TBL1XR1: variants seen among roughly 807,000 people sequenced by gnomAD.
TBL1XR1 encodes F-box-like/WD repeat-containing protein TBL1XR1.
TBL1XR1 carries 5 observed loss-of-function variants against 66.9 expected under a neutral mutation model. The ratio of observed to expected loss-of-function variants is 0.07; its 90% CI spans 0.04 to 0.16. The LOEUF (loss-of-function observed/expected upper bound fraction) is 0.16. TBL1XR1 is among the 10% of genes least tolerant of loss of function. TBL1XR1 has a pLI of 1.00. For missense variants in TBL1XR1, 238 were observed against 623.2 expected (o/e 0.38, Z 6.58); for synonymous variants, 210 against 206.0 (o/e 1.02, Z -0.17).
chr3:177,159,702 C>A (rs1157826427), intron 1 of TBL1XR1, among the ~76,000 whole-genome samples: 1 of 152,144 alleles, frequency 6.6e-6, no homozygotes, highest in Non-Finnish European at 1.5e-5. Context: ...TTAAGTGTTA[C>A]AAAGTACCAG....
chr3:177,153,449 A>G (rs559981340), intron 1 of TBL1XR1, among the ~76,000 whole-genome samples: 2 of 152,382 alleles, frequency 1.3e-5, no homozygotes, highest in Admixed American at 6.5e-5. Context: ...AACTGTTTAA[A>G]GTAAAAATAA....
intron 1 of TBL1XR1, among the ~76,000 whole-genome samples, chr3:177,108,814 A>G (rs145645834): frequency 2.0e-5 from 3 of 152,292 alleles, no homozygotes; most frequent in African/African-American, 4.8e-5. Flanking sequence ...GCTAGCTGAG[A>G]CTGGTCCTGG....
intron 1 of TBL1XR1, among the ~76,000 whole-genome samples, chr3:177,165,201 A>C (rs1360692896): frequency 1.3e-5 from 2 of 152,254 alleles, no homozygotes; most frequent in East Asian, 3.8e-4. Flanking sequence ...AATTACAGTA[A>C]GCTTGCAGGA....
intron 1 of TBL1XR1, among the ~76,000 whole-genome samples, chr3:177,158,006 C>T (rs1731713848): frequency 6.6e-6 from 1 of 151,916 alleles, no homozygotes; most frequent in South Asian, 2.1e-4. Flanking sequence ...TTGTTTCCCC[C>T]CACCCCCAAG....
intron 3 of TBL1XR1, among the ~76,000 whole-genome samples, chr3:177,061,469 C>G (rs1718509719): frequency 6.6e-6 from 1 of 152,302 alleles, no homozygotes; most frequent in East Asian, 1.9e-4. Context: ...TTTATCAAAA[C>G]ATAAAAACTT....
upstream of TBL1XR1, among the ~76,000 whole-genome samples, chr3:177,197,933 C>T (rs911410335): frequency 5.3e-4 from 80 of 150,386 alleles, no homozygotes; most frequent in African/African-American, 1.9e-3. Context: ...CGGGGAGGCC[C>T]GCGCGGTGGC....
rs35673622 is a variant in TBL1XR1 at position 177,161,783 on chromosome 3, C to CA, written c.-122+35337dup. On this transcript the variant is annotated intron_variant, in intron 1 of 15. Coordinates refer to ENST00000457928, the MANE Select transcript of TBL1XR1 (RefSeq NM_024665.7). ...TGGGTGACAGAGTGAGACTCTGACT[C>CA]AAAAAAAAAAAAAAAATCTAAGACC... Among the ~76,000 whole-genome samples, 1,066 of 128,834 alleles carry CA rather than the reference C, an allele frequency of 8.3e-3. 13 individuals carry two copies. The highest frequency in any genetic ancestry group is 0.028 in the African/African-American group (914 of 32,292). The allele number at this position is 128,834 out of a possible 152,430, so 84.5% of individuals were successfully genotyped here. A position where few individuals can be genotyped will look rare whatever the true frequency, so the allele number is the denominator to read the frequency against.
intron 1 of TBL1XR1, among the ~76,000 whole-genome samples, chr3:177,134,107 A>C (rs1728629066): frequency 6.6e-6 from 1 of 152,142 alleles, no homozygotes; most frequent in Admixed American, 6.6e-5. Context: ...GAGAAATTAT[A>C]CAGGAAAATA....
chr3:177,111,149 T>C (rs752873112), intron 1 of TBL1XR1, among the ~76,000 whole-genome samples: 6 of 152,030 alleles, frequency 3.9e-5, no homozygotes, highest in Non-Finnish European at 7.4e-5. Flanking sequence ...CTCTCCCTAC[T>C]ATCATCACCA....
chr3:177,095,044 A>G (rs1390915617), intron 2 of TBL1XR1, among the ~76,000 whole-genome samples: 1 of 152,034 alleles, frequency 6.6e-6, no homozygotes, highest in Non-Finnish European at 1.5e-5. Flanking sequence ...CTTAAAAAAA[A>G]AACAAGGAAA....
At chr3:177,126,144 T>C (rs554098945) in intron 1 of TBL1XR1, 5 of 152,194 alleles carry the variant, frequency 3.3e-5, no homozygotes, top group African/African-American at 1.2e-4. Context: ...TTTAAAAAGG[T>C]AGTCATTAAG....
At position 177,091,532 on chromosome 3, in the gene TBL1XR1, C is replaced by T. The variant is rs111464263; in HGVS notation, c.-46+6934G>A. 2.3e-3 allele frequency among the ~76,000 whole-genome samples: 344 copies of T among 152,176 alleles called. 6 individuals are homozygous for T. Among genetic ancestry groups the T allele is most frequent in the African/African-American group, 8.0e-3 (334 of 41,520 alleles). On this transcript the variant is annotated intron_variant, in intron 2 of 15. Transcript: ENST00000457928. ...AGCTTTGGCCAACATGTTGTTTTGT[C>T]AGAAAGCAAGGAAGCTACCAGAGAG...
rs1560200819 is a variant in TBL1XR1, at chr3:177,123,045, TTTAA to T, written c.-121-24508_-121-24505del. Among the ~76,000 whole-genome samples the T allele has an allele frequency of 6.6e-5, 10 of 152,122 alleles. No homozygotes were observed. The South Asian group carries it at 2.1e-3, about 31-fold the overall frequency. Reference sequence around the variant, plus strand: ...TGTCGCACACATGTGTCTTGTATCTTTTAATTGAGAGGAGGGGAAATAGAAGTCT... The same window carrying T: ...TGTCGCACACATGTGTCTTGTATCTTTTGAGAGGAGGGGAAATAGAAGTCT... On this transcript the variant is annotated intron_variant, in intron 1 of 15. Coordinates refer to ENST00000457928, the MANE Select transcript of TBL1XR1 (RefSeq NM_024665.7).
chr3:177,066,373 G>A lies in TBL1XR1; in HGVS notation c.-45-1351C>T, dbSNP rs149029620. On this transcript the variant is annotated intron_variant, in intron 2 of 15. Transcript: ENST00000457928. ...GTCTAGGAACACATTTAGAAGGAGTGTCCTTGGTATTCAGACTAAAGGAGG... is the reference window on the plus strand; with the variant it reads ...GTCTAGGAACACATTTAGAAGGAGTATCCTTGGTATTCAGACTAAAGGAGG... Among the ~76,000 whole-genome samples, 495 of 152,228 alleles carry A rather than the reference G, an allele frequency of 3.3e-3. 6 individuals are homozygous for A. Among genetic ancestry groups the A allele is most frequent in the Middle Eastern group, 0.01 (3 of 294 alleles).
chr3:177,136,239 C>T (rs1014649831), intron 1 of TBL1XR1: 2 of 152,108 alleles, frequency 1.3e-5, no homozygotes, highest in African/African-American at 4.8e-5. Flanking sequence ...GTCCAAAAGT[C>T]CAAAAGCCAT....
At chr3:177,051,851 G>A in intron 4 of TBL1XR1, 125 bp from the exon 5 acceptor site, 1 of 1,217,416 alleles carries the variant, frequency 8.2e-7, no homozygotes, top group Non-Finnish European at 1.1e-6. Context: ...GGAACTTTCT[G>A]AATTCATATA....
Position 177,022,344 on chromosome 3 carries a change from A to G in TBL1XR1, c.*3154T>C, listed in dbSNP as rs907771286. The G allele has an allele frequency of 2.0e-5, 3 of 152,558 alleles. No individual in the cohort carries two copies. Among genetic ancestry groups the G allele is most frequent in the African/African-American group, 7.2e-5 (3 of 41,446 alleles). The allele number at this position is 152,558 out of a possible 1,614,324, so 9.5% of individuals were successfully genotyped here. A position where few individuals can be genotyped will look rare whatever the true frequency, so the allele number is the denominator to read the frequency against. On this transcript the variant is annotated 3_prime_UTR_variant, in exon 16 of 16. Coordinates refer to ENST00000457928, the MANE Select transcript of TBL1XR1 (RefSeq NM_024665.7). ...TTACCTAGAGAATAATTAAAACAGA[A>G]TTCAATACAATCTAGTATCTATTAG...
chr3:177,173,193 A>G (rs1200832188), intron 1 of TBL1XR1, among the ~76,000 whole-genome samples: 2 of 152,068 alleles, frequency 1.3e-5, no homozygotes, highest in East Asian at 3.9e-4. Flanking sequence ...ATCTCAAACA[A>G]AACAAAACAA....
chr3:177,189,532 G>C (rs929930410), intron 1 of TBL1XR1, among the ~76,000 whole-genome samples: 3 of 151,876 alleles, frequency 2.0e-5, no homozygotes, highest in African/African-American at 7.3e-5. Flanking sequence ...GCCAGCACCT[G>C]TAATCCCAGC....
Sources: gnomAD v4.1 joint callset for allele counts (sites outside exome capture counted in the v4.1 genomes callset) on GRCh38, gnomAD v4.1.1 for gene constraint, MANE v1.5 for transcripts, NCBI Gene and HGNC (gene_info 2026-07-23, HGNC 2026-07-21) for gene names.